Variants in LIPA observed in about 807,000 individuals in gnomAD.
LIPA encodes the protein lysosomal acid lipase/cholesteryl ester hydrolase.
Under a neutral mutation model 40.6 loss-of-function variants are expected in LIPA, and 26 were observed. The observed-to-expected ratio is 0.64, with a 90% CI of 0.47 to 0.89. The LOEUF is 0.89. Among genes scored for constraint, LIPA ranks in the 40% least tolerant of loss-of-function variants. The pLI, the probability that LIPA is intolerant of heterozygous loss-of-function variation, is 0.00. For missense variants in LIPA, 455 were observed against 479.6 expected (o/e 0.95, Z 0.48); for synonymous variants, 188 against 168.4 (o/e 1.12, Z -0.90).
chr10:89,344,612 GAA>G (rs5786866), upstream of LIPA, among the ~76,000 whole-genome samples: 2,124 of 134,610 alleles, frequency 0.016, 47 homozygotes, highest in African/African-American at 0.053. Flanking sequence ...CATGCGGCAA[GAA>G]AAAAAAAAAA....
intron 1 of LIPA, among the ~76,000 whole-genome samples, chr10:89,281,264 C>T (rs1843312879): frequency 1.3e-5 from 2 of 151,982 alleles, no homozygotes; most frequent in Admixed American, 1.3e-4. Flanking sequence ...ATCAAGAATG[C>T]CCCCCCACCC....
chr10:89,394,601 TA>T (rs1273326888), intron 2 of LIPA, among the ~76,000 whole-genome samples: 25 of 55,296 alleles, frequency 4.5e-4, no homozygotes, highest in African/African-American at 3.9e-3. Context: ...TATATATATA[TA>T]TATATATATA....
chr10:89,373,551 C>T (rs1002451746), intron 2 of LIPA, among the ~76,000 whole-genome samples: 2 of 152,090 alleles, frequency 1.3e-5, no homozygotes, highest in African/African-American at 2.4e-5. Flanking sequence ...ACATCAGACA[C>T]TCTCTGTAGA....
At chr10:89,299,495 G>A (rs1310289058) in intron 1 of LIPA, among the ~76,000 whole-genome samples, 1 of 152,146 alleles carries the variant, frequency 6.6e-6, no homozygotes, top group East Asian at 1.9e-4. Context: ...CCAGATACAG[G>A]AGGCCCAGCA....
chr10:89,413,248 T>TA (rs1841491186), intron 1 of LIPA, among the ~76,000 whole-genome samples: 1 of 152,218 alleles, frequency 6.6e-6, no homozygotes, highest in South Asian at 2.1e-4. Flanking sequence ...TCTATTAACT[T>TA]ATCAGTTTTT....
At chr10:89,233,515 T>C (rs1042219378) in intron 3 of LIPA, among the ~76,000 whole-genome samples, 10 of 152,250 alleles carry the variant, frequency 6.6e-5, no homozygotes, top group African/African-American at 2.4e-4. Context: ...AAAACATACA[T>C]TACGTTTCGT....
In LIPA at chr10:89,273,688, A is replaced by G. The variant is rs79121311; in HGVS notation, c.-1-26039T>C. On this transcript the variant is annotated intron_variant, in intron 1 of 5. Transcript: ENST00000282673. Reference sequence around the variant, plus strand: ...AAGGTTTTAGCCGATGTAAAGACAGATAACATGTGTGGGTATTCATTGAGA... The same window carrying G: ...AAGGTTTTAGCCGATGTAAAGACAGGTAACATGTGTGGGTATTCATTGAGA... 1.6e-3 allele frequency among the ~76,000 whole-genome samples: 237 copies of G among 152,330 alleles called. 2 individuals carry two copies. In the East Asian group the frequency reaches 0.024, roughly 15 times the overall value.
chr10:89,303,842 G>A (rs915452623), intron 1 of LIPA, among the ~76,000 whole-genome samples: 1 of 152,208 alleles, frequency 6.6e-6, no homozygotes, highest in Non-Finnish European at 1.5e-5. Flanking sequence ...GCTATAGTGA[G>A]TCTTCAGGTG....
chr10:89,326,379 A>ATATTTTT lies in LIPA; in HGVS notation c.-2+16231_-2+16232insAAAAATA, dbSNP rs547446259. 6.7e-3 allele frequency among the ~76,000 whole-genome samples: 1,022 copies of ATATTTTT among 152,306 alleles called. 16 individuals carry two copies. The highest frequency in any genetic ancestry group is 0.051 in the East Asian group (263 of 5,182). On this transcript the variant is annotated intron_variant, in intron 1 of 5. Coordinates refer to the LIPA transcript ENST00000282673. Reference sequence around the variant, plus strand: ...ATTCTCACTTGTTTGTGGAAGCTAAAAATATTAAGACAATTGAACTTATGG... The same window carrying ATATTTTT: ...ATTCTCACTTGTTTGTGGAAGCTAAATATTTTTAATATTAAGACAATTGAACTTATGG...
At chr10:89,296,024 T>C (rs1843412975) in intron 1 of LIPA, among the ~76,000 whole-genome samples, 1 of 152,256 alleles carries the variant, frequency 6.6e-6, no homozygotes. Flanking sequence ...CCTTTCTCTA[T>C]GCTTCTCCCC....
chr10:89,239,521 A>C (rs994420101), intron 3 of LIPA, among the ~76,000 whole-genome samples: 1 of 152,198 alleles, frequency 6.6e-6, no homozygotes, highest in African/African-American at 2.4e-5. Flanking sequence ...CACTGCACTC[A>C]CACTTCACTG....
At position 89,407,031 on chromosome 10, in the gene LIPA, A is replaced by G. The variant is rs530975583; in HGVS notation, c.61+5760T>C. On this transcript the variant is annotated intron_variant, in intron 2 of 8. Transcript: ENST00000371837. Reference sequence around the variant, plus strand: ...ACACGGGTGTCAGGCTTTCTGGGAAAGGGCTCTCTAACAACCCCCAACTCT... The same window carrying G: ...ACACGGGTGTCAGGCTTTCTGGGAAGGGGCTCTCTAACAACCCCCAACTCT... Among the ~76,000 whole-genome samples, 3 of 152,260 alleles carry G rather than the reference A, an allele frequency of 2.0e-5. No homozygotes were observed. In the South Asian group the frequency reaches 6.2e-4, roughly 32 times the overall value.
rs567282841 is a variant in LIPA, at chr10:89,359,832, CACACACACACAA to C, written c.61+52947_61+52958del. Among the ~76,000 whole-genome samples the C allele has an allele frequency of 7.4e-5, 11 of 149,556 alleles. No individual in the cohort carries two copies. The East Asian group carries it at 9.4e-4, about 13-fold the overall frequency. ...TCTCTCTCTCACACACACACACACA[CACACACACACAA>C]ACACACACACACACAATGATAATGC... On this transcript the variant is annotated intron_variant, in intron 2 of 8. Coordinates refer to the LIPA transcript ENST00000371837.
upstream of LIPA, among the ~76,000 whole-genome samples, chr10:89,256,362 G>A (rs1173681746): frequency 6.6e-6 from 1 of 152,210 alleles, no homozygotes; most frequent in Non-Finnish European, 1.5e-5. Flanking sequence ...CATGAGGCTG[G>A]AGGAGATCCC....
chr10:89,384,068 A>G, intron 2 of LIPA: 1 of 1,614,212 alleles, frequency 6.2e-7, no homozygotes, highest in Non-Finnish European at 8.5e-7. Flanking sequence ...TCACAGGCCT[A>G]TGTCTTTCAA....
At chr10:89,306,191 G>C in intron 1 of LIPA, 9 of 1,614,170 alleles carry the variant, frequency 5.6e-6, no homozygotes, top group Non-Finnish European at 7.6e-6. Context: ...TAAAGCTGAA[G>C]AGTTAATCCA....
chr10:89,402,646 T>C (rs1467172186), intron 2 of LIPA: 30 of 1,614,038 alleles, frequency 1.9e-5, no homozygotes, highest in Non-Finnish European at 2.5e-5. Flanking sequence ...GTGGAGAACA[T>C]TTGCAAGAAG....
intron 7 of LIPA, among the ~76,000 whole-genome samples, chr10:89,223,276 A>G (rs1044764219): frequency 3.7e-5 from 4 of 107,666 alleles, no homozygotes; most frequent in Admixed American, 1.1e-4. Flanking sequence ...CACAGTACTC[A>G]ATATTGGCTA....
At chr10:89,281,305 C>T (rs1843313389) in intron 1 of LIPA, among the ~76,000 whole-genome samples, 1 of 152,170 alleles carries the variant, frequency 6.6e-6, no homozygotes, top group African/African-American at 2.4e-5. Flanking sequence ...CTTTCCCAGG[C>T]CTTGATATCT....
Sources: gnomAD v4.1 joint callset for allele counts (sites outside exome capture counted in the v4.1 genomes callset) on GRCh38, gnomAD v4.1.1 for gene constraint, MANE v1.5 for transcripts, NCBI Gene and HGNC (gene_info 2026-07-23, HGNC 2026-07-21) for gene names.